The following TMF1 variants were observed in gnomAD, a reference collection of about 807,000 sequenced individuals.
The protein encoded by TMF1 is TATA element modulatory factor.
In TMF1, 71 loss-of-function variants were observed where a neutral mutation model predicts 126.5. The observed-to-expected ratio is 0.56, with a 90% CI of 0.46 to 0.68. The LOEUF is 0.68. Ranked by LOEUF, TMF1 falls within the 30% of genes least tolerant of loss-of-function variation. TMF1 has a pLI of 0.00. For missense variants in TMF1, 1,259 were observed against 1,253.2 expected (o/e 1.00, Z -0.07); for synonymous variants, 461 against 430.5 (o/e 1.07, Z -0.88).
At chr3:69,040,200 G>A (rs2091855787) in intron 5 of TMF1, among the ~76,000 whole-genome samples, 1 of 152,180 alleles carries the variant, frequency 6.6e-6, no homozygotes, top group Non-Finnish European at 1.5e-5. Context: ...AAAGAAGAGA[G>A]AACTGTCCTA....
Position 69,023,237 on chromosome 3 carries a change from T to G in TMF1, c.3222A>C (p.Glu1074Asp). The change falls in exon 17 of 17, where the codon GAA becomes GAC. Residue 1074 changes from glutamate to aspartate, a missense_variant. Glu to Asp is a conservative substitution (Grantham distance 45). Transcript: ENST00000398559. ...GAGTTTTGTACATATTTTTTACATC[T>G]TCGAGATCTAATCGAAGTTCTTCTG... ...EEAEELRLDL[E>D]DVKNMYKTQI... 6.2e-7 allele frequency: 1 copy of G among 1,611,636 alleles called. No individual in the cohort carries two copies. The highest frequency in any genetic ancestry group is 8.5e-7 in the Non-Finnish European group (1 of 1,178,394).
intron 2 of TMF1, 53 bp downstream of exon 2, chr3:69,047,305 G>A: frequency 6.7e-7 from 1 of 1,493,006 alleles, no homozygotes; most frequent in Non-Finnish European, 8.9e-7. Flanking sequence ...TAAAACAAAT[G>A]ATTTAATCTC....
rs1272620086 is a variant in TMF1 at position 69,022,414 on chromosome 3, G to A, written c.*763C>T. The A allele has an allele frequency of 6.6e-6, 1 of 152,482 alleles. No individual in the cohort carries two copies. Among genetic ancestry groups the A allele is most frequent in the Non-Finnish European group, 1.5e-5 (1 of 67,988 alleles). 9.4% of individuals were successfully genotyped at this position (152,482 alleles called of 1,614,324 possible). On this transcript the variant is annotated 3_prime_UTR_variant, in exon 17 of 17. Coordinates refer to ENST00000398559, the MANE Select transcript of TMF1 (RefSeq NM_007114.3). ...TCAAAATCATTTAAATGTTATTGAT[G>A]CCATTGCAAAATCATTATAAATAAA...
chr3:69,038,525 TA>T (rs773928400), intron 8 of TMF1, 38 bp downstream of exon 8: 1 of 1,594,842 alleles, frequency 6.3e-7, no homozygotes, highest in East Asian at 2.2e-5. Context: ...CATAAACAAA[TA>T]TTTTTAAAAC....
At chr3:69,037,733 G>C (rs981176893) in intron 8 of TMF1, among the ~76,000 whole-genome samples, 1 of 152,036 alleles carries the variant, frequency 6.6e-6, no homozygotes, top group Non-Finnish European at 1.5e-5. Context: ...TTGAATCCGG[G>C]AGGCAGAGGT....
At position 69,033,592 on chromosome 3, in the gene TMF1, G is replaced by A. The variant is rs372078206; in HGVS notation, c.2357C>T (p.Thr786Ile). The A allele has an allele frequency of 9.3e-6, 15 of 1,613,830 alleles. No individual in the cohort carries two copies. Among genetic ancestry groups the A allele is most frequent in the Non-Finnish European group, 1.3e-5 (15 of 1,179,990 alleles). ...ENLQATLGSQTSSWEKLEKNL... is the reference protein window; with the variant it reads ...ENLQATLGSQISSWEKLEKNL... ...CTTCTCTAATTTCTCCCACGACGAT[G>A]TCTGGGATCCCAGGGTTGCTTGCAA... Residue 786 changes from threonine (T) to isoleucine (I), a missense_variant, in exon 10 of 17, where the codon ACA (threonine) becomes ATA (isoleucine). Transcript: ENST00000398559.
chr3:69,051,175 G>T (rs1365744714), intron 1 of TMF1, among the ~76,000 whole-genome samples: 2 of 152,052 alleles, frequency 1.3e-5, no homozygotes, highest in Non-Finnish European at 2.9e-5. Context: ...GAGTTGTTCT[G>T]AAGATGAGAA....
At chr3:69,025,170 A>G (rs1046554617) in intron 15 of TMF1, 2 of 162,336 alleles carry the variant, frequency 1.2e-5, no homozygotes, top group Non-Finnish European at 2.7e-5. Context: ...GTAAATCTGA[A>G]TAGAACAGGC....
intron 15 of TMF1, chr3:69,024,704 G>A (rs2091757330): frequency 6.6e-6 from 1 of 151,858 alleles, no homozygotes; most frequent in Non-Finnish European, 1.5e-5. Flanking sequence ...AGTATATAAT[G>A]GGAGTTGAAT....
At chr3:69,039,423 A>G (rs780208741) in intron 6 of TMF1, 128 bp downstream of exon 6, 9 of 1,073,720 alleles carry the variant, frequency 8.4e-6, no homozygotes, top group South Asian at 1.8e-5. Context: ...TCATTTATCT[A>G]TTGTTTGAAA....
intron 10 of TMF1, 159 bp from the exon 11 acceptor site, chr3:69,030,166 A>T (rs2091791529): frequency 1.9e-6 from 1 of 531,618 alleles, no homozygotes; most frequent in Admixed American, 3.6e-5. Flanking sequence ...AGACAAATGA[A>T]CCAATCTTAA....
chr3:69,032,586 T>C (rs2091808838), intron 10 of TMF1, among the ~76,000 whole-genome samples: 2 of 151,354 alleles, frequency 1.3e-5, no homozygotes, highest in South Asian at 4.2e-4. Flanking sequence ...ACCTGGGGCA[T>C]GACTGTAAAG....
chr3:69,032,367 T>A (rs1014617139), intron 10 of TMF1, among the ~76,000 whole-genome samples: 8 of 152,208 alleles, frequency 5.3e-5, no homozygotes, highest in African/African-American at 1.9e-4. Flanking sequence ...CCTGAGTCCA[T>A]GTCTCCTGAC....
chr3:69,048,253 T>C lies in TMF1; in HGVS notation c.452A>G (p.Gln151Arg), dbSNP rs2091907268. The C allele has an allele frequency of 4.3e-6, 7 of 1,614,188 alleles. No homozygotes were observed. The highest frequency in any genetic ancestry group is 5.9e-6 in the Non-Finnish European group (7 of 1,180,030). The change falls in exon 2 of 17, where the codon CAA becomes CGA. Residue 151 changes from glutamine to arginine, a missense_variant. Coordinates refer to ENST00000398559, the MANE Select transcript of TMF1 (RefSeq NM_007114.3). The part of the protein sequence containing the change: ...QSRTPETTES[Q>R]VKDSSLCVSG... ...AACACACAAAGAAGAGTCTTTTACT[T>C]GTGATTCAGTTGTTTCAGGAGTTCT...
chr3:69,051,826 A>G, intron 1 of TMF1, 119 bp downstream of exon 1: 1 of 1,242,944 alleles, frequency 8.0e-7, no homozygotes, highest in Non-Finnish European at 1.1e-6. Context: ...GGCCGGGGAG[A>G]AATTACTTCC....
At chr3:69,032,037 G>A (rs2091806107) in intron 10 of TMF1, among the ~76,000 whole-genome samples, 1 of 152,044 alleles carries the variant, frequency 6.6e-6, no homozygotes, top group Admixed American at 6.5e-5. Flanking sequence ...ATATATGAAG[G>A]TTTATCTAAT....
chr3:69,048,766 G>C (rs2091910580), intron 1 of TMF1: 3 of 464,476 alleles, frequency 6.5e-6, no homozygotes, highest in South Asian at 7.8e-5. Context: ...AACTGGTGTG[G>C]GTCCACCTGA....
chr3:69,046,564 T>C (rs1575819745), intron 2 of TMF1, among the ~76,000 whole-genome samples: 2 of 152,342 alleles, frequency 1.3e-5, no homozygotes, highest in East Asian at 3.9e-4. Flanking sequence ...AGGACATTTC[T>C]TCAAGACATC....
chr3:69,028,323 AC>A, intron 11 of TMF1, 28 bp from the exon 12 acceptor site: 1 of 1,530,430 alleles, frequency 6.5e-7, no homozygotes, highest in African/African-American at 1.4e-5. Context: ...ATTTAAAAAA[AC>A]AGAAAATGAA....
Sources: gnomAD v4.1 joint callset for allele counts (sites outside exome capture counted in the v4.1 genomes callset) on GRCh38, gnomAD v4.1.1 for gene constraint, MANE v1.5 for transcripts, NCBI Gene and HGNC (gene_info 2026-07-23, HGNC 2026-07-21) for gene names.